The following ANO10 variants were observed in gnomAD, a reference collection of about 807,000 sequenced individuals.
ANO10 encodes the protein anoctamin 10, also known as anoctamin-10.
A neutral mutation model predicts 74.7 loss-of-function variants in ANO10; 77 were observed. That is an observed-to-expected ratio of 1.03 (90% CI 0.86 to 1.25). The LOEUF is 1.25. Among genes scored for constraint, ANO10 ranks in the 50% most tolerant of loss-of-function variants. The probability of loss-of-function intolerance (pLI) is 0.00; values close to 1 mark genes in which losing one functional copy is unlikely to be tolerated. For synonymous variants in ANO10, 279 were observed against 284.9 expected (o/e 0.98, Z 0.21); for missense variants, 721 against 778.1 (o/e 0.93, Z 0.87).
chr3:43,549,311 T>C (rs1334631127), intron 11 of ANO10, among the ~76,000 whole-genome samples: 1 of 151,984 alleles, frequency 6.6e-6, no homozygotes, highest in African/African-American at 2.4e-5. Flanking sequence ...CCAAATTACA[T>C]CAGGTAATTT....
chr3:43,472,403 T>TACCCTTAAAATTTTTAAAAC (rs1449428286), intron 11 of ANO10: 1 of 152,098 alleles, frequency 6.6e-6, no homozygotes, highest in Non-Finnish European at 1.5e-5. Context: ...ATTTTTAAAA[T>TACCCTTAAAATTTTTAAAAC]GAAAAAAAGT....
intron 12 of ANO10, among the ~76,000 whole-genome samples, chr3:43,426,119 C>T (rs1293643679): frequency 1.3e-5 from 2 of 152,116 alleles, no homozygotes; most frequent in Non-Finnish European, 2.9e-5. Context: ...CCCGCCTCCA[C>T]ACCTTTCACA....
upstream of ANO10, among the ~76,000 whole-genome samples, chr3:43,623,695 T>C (rs1397181369): frequency 3.3e-5 from 5 of 152,166 alleles, no homozygotes; most frequent in Non-Finnish European, 7.4e-5. Context: ...GCAGGGAAAC[T>C]AAAAGAAAGG....
chr3:43,576,042 G>C (rs2080978733), intron 6 of ANO10, among the ~76,000 whole-genome samples: 2 of 152,110 alleles, frequency 1.3e-5, no homozygotes, highest in South Asian at 4.1e-4. Flanking sequence ...AGAGTCAATG[G>C]CCTATCAAGA....
chr3:43,523,242 T>C (rs17075754), intron 11 of ANO10, among the ~76,000 whole-genome samples: 22,189 of 152,046 alleles, frequency 0.15, 2,050 homozygotes, highest in African/African-American at 0.25. Context: ...GCTCATTCCA[T>C]TGGAGGAGTC....
intron 8 of ANO10, among the ~76,000 whole-genome samples, chr3:43,565,238 C>T (rs1377545987): frequency 1.3e-5 from 2 of 152,178 alleles, no homozygotes; most frequent in African/African-American, 4.8e-5. Context: ...AGAAAAGATA[C>T]AGCACTGCAT....
rs2084060375 is a variant in ANO10 at position 43,671,610 on chromosome 3, G to A, written c.-12+19907C>T. On this transcript the variant is annotated intron_variant, in intron 1 of 3. Coordinates refer to the ANO10 transcript ENST00000413397. The stretch of plus-strand genomic sequence containing the variant: ...TTTACAATAAAAATGAAACAGTTTA[G>A]TATAACTACAGGTGTTATCATGATA... 3.3e-5 allele frequency among the ~76,000 whole-genome samples: 5 copies of A among 152,206 alleles called. No homozygotes were observed. In the South Asian group the frequency reaches 1.0e-3, roughly 32 times the overall value.
At chr3:43,389,853 G>A (rs1575636976) in intron 12 of ANO10, among the ~76,000 whole-genome samples, 1 of 152,152 alleles carries the variant, frequency 6.6e-6, no homozygotes, top group East Asian at 1.9e-4. Context: ...GCGTGTTCCG[G>A]GCTGGGAGGA....
rs1388468167 is a variant in ANO10, at chr3:43,643,535, C to A, written c.-11-37672G>T. Among the ~76,000 whole-genome samples the A allele has an allele frequency of 2.0e-5, 3 of 151,828 alleles. 1 individual carries two copies. Among genetic ancestry groups the A allele is most frequent in the African/African-American group, 7.3e-5 (3 of 41,218 alleles). On this transcript the variant is annotated intron_variant, in intron 1 of 3. Coordinates refer to the ANO10 transcript ENST00000413397. ...TTCTCTTATTGTAAGGGAAATTGGGCGTCATTTCATATGTGTAGGGAGTGA... is the reference window on the plus strand; with the variant it reads ...TTCTCTTATTGTAAGGGAAATTGGGAGTCATTTCATATGTGTAGGGAGTGA...
intron 9 of ANO10, 61 bp from the exon 10 acceptor site, chr3:43,555,530 AT>A: frequency 6.6e-7 from 1 of 1,523,062 alleles, no homozygotes; most frequent in South Asian, 1.2e-5. Context: ...TCCTTTTGCA[AT>A]ACTAATCAAA....
chr3:43,376,086 G>A (rs2091796374), intron 12 of ANO10, among the ~76,000 whole-genome samples: 1 of 152,204 alleles, frequency 6.6e-6, no homozygotes, highest in African/African-American at 2.4e-5. Flanking sequence ...GCTGGTGATG[G>A]AGAGCTGCTG....
intron 8 of ANO10, among the ~76,000 whole-genome samples, chr3:43,561,618 T>C (rs1445205203): frequency 6.6e-6 from 1 of 152,184 alleles, no homozygotes; most frequent in Non-Finnish European, 1.5e-5. Context: ...TTTATGGTTT[T>C]TCACATGAAA....
chr3:43,537,492 C>A (rs2078764303), intron 11 of ANO10, among the ~76,000 whole-genome samples: 1 of 151,850 alleles, frequency 6.6e-6, no homozygotes, highest in Non-Finnish European at 1.5e-5. Context: ...AGCTGGGGCC[C>A]AATGATGACA....
chr3:43,537,955 T>C, intron 11 of ANO10, among the ~76,000 whole-genome samples: 1 of 152,134 alleles, frequency 6.6e-6, no homozygotes, highest in East Asian at 1.9e-4. Flanking sequence ...TCTGAAGCTT[T>C]TAAGCTACAG....
At chr3:43,549,638 T>A in intron 11 of ANO10, 82 bp downstream of exon 11, 9 of 1,511,278 alleles carry the variant, frequency 6.0e-6, no homozygotes, top group Non-Finnish European at 8.3e-6. Flanking sequence ...TTGTCAGTCA[T>A]GGACAGCCCG....
intron 11 of ANO10, among the ~76,000 whole-genome samples, chr3:43,524,139 A>C (rs540305751): frequency 3.9e-5 from 6 of 152,176 alleles, no homozygotes; most frequent in Non-Finnish European, 7.4e-5. Context: ...TTGGGAAGGA[A>C]CCTTAAGAAA....
chr3:43,683,479 A>C (rs1374191880), intron 1 of ANO10, among the ~76,000 whole-genome samples: 2 of 152,232 alleles, frequency 1.3e-5, no homozygotes, highest in African/African-American at 4.8e-5. Flanking sequence ...AGGAAGAATC[A>C]ATATCATGAA....
intron 1 of ANO10, among the ~76,000 whole-genome samples, chr3:43,609,324 C>A (rs1189811027): frequency 6.6e-6 from 1 of 152,060 alleles, no homozygotes; most frequent in African/African-American, 2.4e-5. Context: ...CTAAACAGTT[C>A]AAGATAAAAT....
At chr3:43,405,626 A>G (rs982227668) in intron 12 of ANO10, among the ~76,000 whole-genome samples, 4 of 151,994 alleles carry the variant, frequency 2.6e-5, no homozygotes, top group African/African-American at 9.7e-5. Context: ...GGAGTGCACT[A>G]TCACGCCCGG....
Sources: allele counts gnomAD v4.1 joint callset (sites outside exome capture counted in the v4.1 genomes callset), GRCh38; gene constraint gnomAD v4.1.1; transcripts MANE v1.5; gene names NCBI Gene and HGNC (gene_info 2026-07-23, HGNC 2026-07-21).